The following LRFN2 variants were observed in gnomAD, a reference collection of about 807,000 sequenced individuals.
LRFN2 encodes the protein leucine rich repeat and fibronectin type III domain containing 2, also known as leucine-rich repeat and fibronectin type-III domain-containing protein 2.
In LRFN2, 18 loss-of-function variants were observed where a neutral mutation model predicts 37.3. That is an observed-to-expected ratio of 0.48 (90% CI 0.33 to 0.72). LRFN2 has a LOEUF of 0.72. LRFN2 is among the 30% of genes least tolerant of loss of function. LRFN2 has a pLI of 0.02. For missense variants in LRFN2, 1,006 were observed against 1,060.7 expected, an observed-to-expected ratio of 0.95 and a Z score of 0.72; for synonymous variants, 556 against 466.6, an observed-to-expected ratio of 1.19 and a Z score of -2.47.
chr6:40,575,209 C>T (rs1422493166), intron 1 of LRFN2, among the ~76,000 whole-genome samples: 1 of 152,148 alleles, frequency 6.6e-6, no homozygotes, highest in Non-Finnish European at 1.5e-5. Context: ...CTAGTGAGGG[C>T]GGGCTGGAAC....
chr6:40,412,465 T>C (rs1406234374), intron 2 of LRFN2, among the ~76,000 whole-genome samples: 2 of 152,120 alleles, frequency 1.3e-5, no homozygotes, highest in South Asian at 2.1e-4. Context: ...GACTGACAAG[T>C]ACATCGTCTG....
At chr6:40,473,879 C>A (rs1280008766) in intron 1 of LRFN2, among the ~76,000 whole-genome samples, 1 of 152,136 alleles carries the variant, frequency 6.6e-6, no homozygotes, top group African/African-American at 2.4e-5. Flanking sequence ...GTTACATCAC[C>A]TACCCAGGGA....
intron 1 of LRFN2, among the ~76,000 whole-genome samples, chr6:40,455,543 T>G (rs1044505867): frequency 2.0e-5 from 3 of 152,186 alleles, no homozygotes; most frequent in Non-Finnish European, 4.4e-5. Context: ...AAAATGGAGA[T>G]AAAAGTATTA....
chr6:40,520,050 C>T (rs2281263), intron 1 of LRFN2, among the ~76,000 whole-genome samples: 38,867 of 151,870 alleles, frequency 0.26, 5,136 homozygotes, highest in Middle Eastern at 0.31. Context: ...GGACAGAGTG[C>T]GTGATGAGGC....
intron 1 of LRFN2, among the ~76,000 whole-genome samples, chr6:40,536,216 C>T (rs772576775): frequency 6.6e-6 from 1 of 151,998 alleles, no homozygotes; most frequent in Non-Finnish European, 1.5e-5. Context: ...AGTGGGGGGC[C>T]GGTTCTGTCC....
intron 1 of LRFN2, among the ~76,000 whole-genome samples, chr6:40,439,807 C>T (rs1763786616): frequency 6.6e-6 from 1 of 152,130 alleles, no homozygotes; most frequent in Non-Finnish European, 1.5e-5. Context: ...AGGAGAGGGC[C>T]CCTGATCCAG....
At chr6:40,477,625 G>C (rs1311132511) in intron 1 of LRFN2, among the ~76,000 whole-genome samples, 2 of 152,298 alleles carry the variant, frequency 1.3e-5, no homozygotes, top group East Asian at 3.9e-4. Flanking sequence ...AGGCGCTGCA[G>C]GAATGGGCGA....
chr6:40,586,663 G>A (rs73421027), intron 1 of LRFN2, among the ~76,000 whole-genome samples: 1 of 151,908 alleles, frequency 6.6e-6, no homozygotes. Flanking sequence ...CTCTCCATCC[G>A]GCTCTCCAGT....
chr6:40,458,477 G>A (rs1159594463), intron 1 of LRFN2, among the ~76,000 whole-genome samples: 4 of 152,174 alleles, frequency 2.6e-5, no homozygotes, highest in Non-Finnish European at 5.9e-5. Context: ...CACTCTACAC[G>A]TTGGTTTCTA....
chr6:40,548,495 T>C (rs1307886830), intron 1 of LRFN2, among the ~76,000 whole-genome samples: 3 of 152,058 alleles, frequency 2.0e-5, no homozygotes, highest in Non-Finnish European at 4.4e-5. Context: ...ATTTTGAGGC[T>C]CCAATGCACA....
At chr6:40,578,055 A>G (rs1001165887) in intron 1 of LRFN2, among the ~76,000 whole-genome samples, 14 of 151,824 alleles carry the variant, frequency 9.2e-5, no homozygotes, top group African/African-American at 3.4e-4. Context: ...GCATTCAACA[A>G]CCCTATAAAG....
At chr6:40,468,745 C>G (rs1764527337) in intron 1 of LRFN2, among the ~76,000 whole-genome samples, 1 of 152,146 alleles carries the variant, frequency 6.6e-6, no homozygotes, top group Admixed American at 6.5e-5. Flanking sequence ...AGGAGAATGA[C>G]AGGCAGCTGA....
At chr6:40,422,443 T>C (rs1041742741) in intron 2 of LRFN2, among the ~76,000 whole-genome samples, 14 of 151,916 alleles carry the variant, frequency 9.2e-5, no homozygotes, top group African/African-American at 3.4e-4. Context: ...TCAGAATCCC[T>C]TTTTTGGTGG....
intron 1 of LRFN2, among the ~76,000 whole-genome samples, chr6:40,502,825 T>C (rs1765422351): frequency 6.6e-6 from 1 of 152,174 alleles, no homozygotes; most frequent in African/African-American, 2.4e-5. Context: ...GAGTCGAGCG[T>C]TGGGGCAGAA....
intron 1 of LRFN2, among the ~76,000 whole-genome samples, chr6:40,508,076 A>C (rs1225025166): frequency 1.3e-5 from 2 of 152,188 alleles, no homozygotes; most frequent in Non-Finnish European, 1.5e-5. Context: ...GACAGTGCCC[A>C]AGCCTAGCTC....
At chr6:40,562,209 C>T (rs1767006760) in intron 1 of LRFN2, among the ~76,000 whole-genome samples, 1 of 152,104 alleles carries the variant, frequency 6.6e-6, no homozygotes, top group Non-Finnish European at 1.5e-5. Flanking sequence ...CTATAGCAAT[C>T]ACAGAAGGCT....
intron 1 of LRFN2, among the ~76,000 whole-genome samples, chr6:40,481,943 C>T (rs1764840392): frequency 6.6e-6 from 1 of 152,236 alleles, no homozygotes; most frequent in African/African-American, 2.4e-5. Flanking sequence ...GTTCACTCGT[C>T]TAATCCTTCC....
chr6:40,522,424 C>T (rs1766105800), intron 1 of LRFN2, among the ~76,000 whole-genome samples: 1 of 152,078 alleles, frequency 6.6e-6, no homozygotes. Flanking sequence ...AGGCTTGCCC[C>T]AATCTCAAGG....
intron 1 of LRFN2, among the ~76,000 whole-genome samples, chr6:40,518,152 T>A (rs981073658): frequency 6.6e-6 from 1 of 152,232 alleles, no homozygotes; most frequent in Non-Finnish European, 1.5e-5. Flanking sequence ...TGTCAAATAA[T>A]AGGCTTCAAT....
Sources: gnomAD v4.1 joint callset for allele counts (sites outside exome capture counted in the v4.1 genomes callset) on GRCh38, gnomAD v4.1.1 for gene constraint, MANE v1.5 for transcripts, NCBI Gene and HGNC (gene_info 2026-07-23, HGNC 2026-07-21) for gene names.